Variants in SUCLG2 observed in about 807,000 individuals in gnomAD.
The protein encoded by SUCLG2 is succinate--CoA ligase [GDP-forming] subunit beta, mitochondrial.
Under a neutral mutation model 47.9 loss-of-function variants are expected in SUCLG2, and 42 were observed. The observed-to-expected ratio is 0.88, with a 90% CI of 0.69 to 1.14. The LOEUF (loss-of-function observed/expected upper bound fraction) is 1.14, where lower values mean the gene tolerates loss of function less well. Among genes scored for constraint, SUCLG2 ranks in the 50% most tolerant of loss-of-function variants. The probability of loss-of-function intolerance (pLI) is 0.00; values close to 1 mark genes in which losing one functional copy is unlikely to be tolerated. For missense variants in SUCLG2, 571 were observed against 525.9 expected, an observed-to-expected ratio of 1.09 and a Z score of -0.84; for synonymous variants, 195 against 197.3, an observed-to-expected ratio of 0.99 and a Z score of 0.10.
chr3:67,511,739 T>A (rs1290173025), intron 6 of SUCLG2, among the ~76,000 whole-genome samples: 1 of 152,248 alleles, frequency 6.6e-6, no homozygotes, highest in African/African-American at 2.4e-5. Context: ...TTAGGCATTA[T>A]TCTATGAGTT....
At position 67,555,774 on chromosome 3, in the gene SUCLG2, T is replaced by C. The variant is rs187203487; in HGVS notation, c.227-26588A>G. Among the ~76,000 whole-genome samples, 640 of 152,266 alleles carry C rather than the reference T, an allele frequency of 4.2e-3. 5 individuals carry two copies. The highest frequency in any genetic ancestry group is 0.01 in the Middle Eastern group (3 of 294). On this transcript the variant is annotated intron_variant, in intron 2 of 10. Coordinates refer to ENST00000307227, the MANE Select transcript of SUCLG2 (RefSeq NM_003848.4). ...CAAATGATGGAAATGAGAATACCAATTGACAACCCCATGAAAGCCAAGACT... is the reference window on the plus strand; with the variant it reads ...CAAATGATGGAAATGAGAATACCAACTGACAACCCCATGAAAGCCAAGACT...
chr3:67,459,525 G>C (rs1428507772), intron 9 of SUCLG2, among the ~76,000 whole-genome samples: 1 of 152,148 alleles, frequency 6.6e-6, no homozygotes, highest in Non-Finnish European at 1.5e-5. Context: ...CAAGGGTCAA[G>C]TTTAAATTTG....
intron 6 of SUCLG2, among the ~76,000 whole-genome samples, chr3:67,510,972 C>G (rs538812211): frequency 1.6e-4 from 24 of 150,570 alleles, no homozygotes; most frequent in African/African-American, 5.6e-4. Flanking sequence ...CTCACTGCAA[C>G]CTCCACCTGC....
chr3:67,468,163 G>A (rs1473081079), intron 9 of SUCLG2, among the ~76,000 whole-genome samples: 4 of 152,122 alleles, frequency 2.6e-5, no homozygotes, highest in African/African-American at 9.7e-5. Flanking sequence ...TTTTCTGAGC[G>A]AATCTTCAAT....
intron 1 of SUCLG2, among the ~76,000 whole-genome samples, chr3:67,628,832 CTCTT>C (rs1700879435): frequency 1.3e-5 from 2 of 152,260 alleles, no homozygotes; most frequent in Admixed American, 1.3e-4. Context: ...TCTCGGATAT[CTCTT>C]TATTTGCAGT....
chr3:67,493,603 T>C (rs191896130), intron 9 of SUCLG2, among the ~76,000 whole-genome samples: 6 of 152,324 alleles, frequency 3.9e-5, no homozygotes, highest in African/African-American at 1.2e-4. Context: ...CCAATGATTG[T>C]CCTGGTAGAT....
intron 10 of SUCLG2, among the ~76,000 whole-genome samples, chr3:67,368,820 G>A (rs1274938972): frequency 2.0e-5 from 3 of 152,054 alleles, no homozygotes; most frequent in Non-Finnish European, 4.4e-5. Context: ...TGGCCCAGCT[G>A]GTCTCGAATT....
At chr3:67,640,474 G>A (rs1701082124) in intron 1 of SUCLG2, among the ~76,000 whole-genome samples, 1 of 152,190 alleles carries the variant, frequency 6.6e-6, no homozygotes. Flanking sequence ...ATCTAGAACA[G>A]AGATGTGATT....
downstream of SUCLG2, among the ~76,000 whole-genome samples, chr3:67,372,403 T>C (rs1381727288): frequency 6.6e-6 from 1 of 152,204 alleles, no homozygotes; most frequent in East Asian, 1.9e-4. Flanking sequence ...TCACTTTTTT[T>C]TTTCCTTGCT....
chr3:67,521,758 T>C (rs1362807002), intron 4 of SUCLG2, among the ~76,000 whole-genome samples: 1 of 151,962 alleles, frequency 6.6e-6, no homozygotes, highest in Non-Finnish European at 1.5e-5. Context: ...TAGCTGGGCT[T>C]ACAGGTGCCT....
intron 9 of SUCLG2, among the ~76,000 whole-genome samples, chr3:67,472,398 A>T (rs187241041): frequency 4.6e-5 from 7 of 152,356 alleles, no homozygotes; most frequent in African/African-American, 1.7e-4. Flanking sequence ...GTAATCATAG[A>T]CATATTACAT....
chr3:67,639,526 C>T (rs934399156), intron 1 of SUCLG2, among the ~76,000 whole-genome samples: 3 of 144,236 alleles, frequency 2.1e-5, no homozygotes, highest in Admixed American at 6.7e-5. Context: ...CACTCTTACT[C>T]CCAAGAGCAG....
At chr3:67,589,311 T>C (rs1464067004) in intron 2 of SUCLG2, among the ~76,000 whole-genome samples, 1 of 152,246 alleles carries the variant, frequency 6.6e-6, no homozygotes, top group East Asian at 1.9e-4. Flanking sequence ...AGTCTTTACA[T>C]GGTTTTCTGT....
chr3:67,436,922 C>CTTTT (rs1421601750), intron 9 of SUCLG2, among the ~76,000 whole-genome samples: 1 of 151,602 alleles, frequency 6.6e-6, no homozygotes, highest in African/African-American at 2.4e-5. Flanking sequence ...TTTTTCTTTG[C>CTTTT]TTTTTCTTTT....
intron 9 of SUCLG2, among the ~76,000 whole-genome samples, chr3:67,484,177 A>T (rs1704990916): frequency 6.6e-6 from 1 of 152,138 alleles, no homozygotes; most frequent in Non-Finnish European, 1.5e-5. Flanking sequence ...TGCTGGATGG[A>T]ACCTCATCCC....
At chr3:67,604,474 C>A (rs1246072928) in intron 2 of SUCLG2, among the ~76,000 whole-genome samples, 2 of 152,044 alleles carry the variant, frequency 1.3e-5, no homozygotes, top group East Asian at 3.9e-4. Context: ...GATTAAAATC[C>A]CATCATCTTT....
intron 10 of SUCLG2, among the ~76,000 whole-genome samples, chr3:67,400,437 C>CAA (rs2106813367): frequency 6.6e-6 from 1 of 152,212 alleles, no homozygotes; most frequent in African/African-American, 2.4e-5. Context: ...AAACATTTCT[C>CAA]AGAGTGTTTT....
intron 9 of SUCLG2, among the ~76,000 whole-genome samples, chr3:67,457,743 C>G (rs1403227872): frequency 8.2e-6 from 1 of 121,362 alleles, no homozygotes; most frequent in Non-Finnish European, 1.6e-5. Context: ...GCTACCACTA[C>G]TATTACTACT....
rs1253565634 is a variant in SUCLG2, at chr3:67,589,300, A to C, written c.226+20155T>G. Among the ~76,000 whole-genome samples the C allele has an allele frequency of 2.6e-5, 4 of 152,284 alleles. No individual in the cohort carries two copies. The East Asian group carries it at 7.7e-4, about 29-fold the overall frequency. On this transcript the variant is annotated intron_variant, in intron 2 of 10. Transcript: ENST00000307227. ...TGCTAACTTGAGAACATTATATTGTAAGTCTTTACATGGTTTTCTGTCTTC... is the reference window on the plus strand; with the variant it reads ...TGCTAACTTGAGAACATTATATTGTCAGTCTTTACATGGTTTTCTGTCTTC...
Sources: allele counts gnomAD v4.1 joint callset (sites outside exome capture counted in the v4.1 genomes callset), GRCh38; gene constraint gnomAD v4.1.1; transcripts MANE v1.5; gene names NCBI Gene and HGNC (gene_info 2026-07-23, HGNC 2026-07-21).